Variants in ZNF106 observed in about 807,000 individuals in gnomAD.
ZNF106 encodes the protein zinc finger protein 106, also known as SH3-domain binding protein 3.
Under a neutral mutation model 195.1 loss-of-function variants are expected in ZNF106, and 67 were observed. The observed-to-expected ratio is 0.34, with a 90% CI of 0.28 to 0.42. ZNF106 has a LOEUF of 0.42. Ranked by LOEUF, ZNF106 falls within the 10% of genes least tolerant of loss-of-function variation. The pLI is 1.00. For missense variants in ZNF106, 2,118 were observed against 2,304.5 expected (o/e 0.92, Z 1.66); for synonymous variants, 784 against 818.6 (o/e 0.96, Z 0.72).
At chr15:42,447,965 G>A in intron 6 of ZNF106, 107 bp downstream of exon 6, 1 of 1,284,608 alleles carries the variant, frequency 7.8e-7, no homozygotes, top group African/African-American at 1.5e-5. Flanking sequence ...TAGAAGTTGA[G>A]AGAATCACAA....
intron 2 of ZNF106, among the ~76,000 whole-genome samples, chr15:42,467,765 C>A (rs530517485): frequency 9.9e-5 from 15 of 152,056 alleles, no homozygotes; most frequent in Admixed American, 4.6e-4. Flanking sequence ...GCTGGTATCA[C>A]GCCACTGCAC....
chr15:42,434,229 G>A (rs1013895615), intron 14 of ZNF106, among the ~76,000 whole-genome samples: 1 of 151,452 alleles, frequency 6.6e-6, no homozygotes, highest in South Asian at 2.2e-4. Context: ...GCTCACGCCT[G>A]TAATCTCAGC....
At chr15:42,424,726 T>G in intron 16 of ZNF106, 108 bp downstream of exon 16, 1 of 1,144,530 alleles carries the variant, frequency 8.7e-7, no homozygotes, top group Non-Finnish European at 1.2e-6. Context: ...GCGATCCCCC[T>G]GCCTCACCCT....
intron 20 of ZNF106, among the ~76,000 whole-genome samples, chr15:42,418,962 C>A (rs919342848): frequency 9.9e-5 from 15 of 151,032 alleles, no homozygotes; most frequent in Non-Finnish European, 2.1e-4. Context: ...AGTGGGATTA[C>A]ACCCTGTAAT....
intron 1 of ZNF106, among the ~76,000 whole-genome samples, chr15:42,477,294 T>C (rs1446280480): frequency 6.6e-6 from 1 of 152,212 alleles, no homozygotes; most frequent in Non-Finnish European, 1.5e-5. Flanking sequence ...TTCCAATAAA[T>C]ATATTTAAAC....
chr15:42,475,033 T>C (rs571468440), intron 1 of ZNF106, among the ~76,000 whole-genome samples: 1 of 152,340 alleles, frequency 6.6e-6, no homozygotes, highest in African/African-American at 2.4e-5. Context: ...CTGTAACTCC[T>C]AGATAATATG....
chr15:42,490,364 A>G (rs1010827932), intron 1 of ZNF106: 3 of 152,198 alleles, frequency 2.0e-5, no homozygotes, highest in African/African-American at 7.2e-5. Flanking sequence ...AAAGCCACGG[A>G]TATCTCAAAC....
intron 2 of ZNF106, among the ~76,000 whole-genome samples, chr15:42,466,347 CA>C (rs1325545201): frequency 6.6e-6 from 1 of 151,628 alleles, no homozygotes; most frequent in Non-Finnish European, 1.5e-5. Flanking sequence ...AGTGGCTTTC[CA>C]AAAAGATTAG....
At chr15:42,483,444 G>T (rs2056946953) in intron 1 of ZNF106, among the ~76,000 whole-genome samples, 2 of 152,102 alleles carry the variant, frequency 1.3e-5, no homozygotes, top group Admixed American at 1.3e-4. Context: ...CTGGGACCTG[G>T]GTGACTCCTG....
chr15:42,436,677 A>G (rs1417649054), intron 13 of ZNF106, among the ~76,000 whole-genome samples: 1 of 152,214 alleles, frequency 6.6e-6, no homozygotes, highest in Non-Finnish European at 1.5e-5. Flanking sequence ...GCATCAGATA[A>G]TACTAAGTGT....
chr15:42,449,598 T>G (rs1474572920), intron 5 of ZNF106, among the ~76,000 whole-genome samples, 173 bp downstream of exon 5: 2 of 152,238 alleles, frequency 1.3e-5, no homozygotes, highest in Non-Finnish European at 2.9e-5. Context: ...AAATACTTTA[T>G]TCCATCTGTC....
At chr15:42,462,513 G>A (rs2056416238) in intron 3 of ZNF106, among the ~76,000 whole-genome samples, 2 of 152,048 alleles carry the variant, frequency 1.3e-5, no homozygotes, top group South Asian at 2.1e-4. Context: ...CAGGAGAATC[G>A]CTTGAACCAG....
chr15:42,427,743 G>A lies in ZNF106; in HGVS notation c.4998+275C>T, dbSNP rs578139548. On this transcript the variant is annotated intron_variant, in intron 15 of 21. Transcript: ENST00000564754. ...GTCATTCTTAAATTGAGACAGACTA[G>A]TTTAATACATGACTCATTATTTGGC... 1.4e-5 allele frequency: 4 copies of A among 279,100 alleles called. No homozygotes were observed. In the East Asian group the frequency reaches 2.7e-4, roughly 19 times the overall value. The allele number at this position is 279,100 out of a possible 1,614,324, so 17.3% of individuals were successfully genotyped here.
intron 19 of ZNF106, 26 bp from the exon 20 acceptor site, chr15:42,421,158 C>T: frequency 6.2e-7 from 1 of 1,605,598 alleles, no homozygotes; most frequent in African/African-American, 1.3e-5. Flanking sequence ...TTTATAATAT[C>T]AGACCAAAAT....
Position 42,425,006 on chromosome 15 carries a change from A to T in ZNF106, c.5018T>A (p.Ile1673Asn). ...FNIKNNKRLE[I>N]FECHGPRAVS... is the part of the protein sequence containing the mutation. ...TGCCCGAGGGCCATGGCATTCAAAG[A>T]TCTCAAGTCGTTTGTTGTTCTGGAA... The change falls in exon 16 of 22, where the codon ATC (isoleucine) becomes AAC (asparagine). Residue 1673 changes from isoleucine (I) to asparagine (N), a missense_variant. Coordinates refer to ENST00000564754, the MANE Select transcript of ZNF106 (RefSeq NM_001366845.3). 6.2e-7 allele frequency: 1 copy of T among 1,614,076 alleles called. No homozygotes were observed.
chr15:42,485,757 C>T (rs150775628), intron 1 of ZNF106, among the ~76,000 whole-genome samples: 12 of 152,164 alleles, frequency 7.9e-5, no homozygotes, highest in African/African-American at 1.9e-4. Flanking sequence ...AAATGTGTGA[C>T]GTATGCACAA....
In ZNF106 at chr15:42,448,571, C is replaced by T. The variant is rs2055859648; in HGVS notation, c.2636G>A (p.Arg879Lys). 1.2e-6 allele frequency: 2 copies of T among 1,614,180 alleles called. No homozygotes were observed. The highest frequency in any genetic ancestry group is 1.7e-6 in the Non-Finnish European group (2 of 1,180,026). Residue 879 changes from arginine (R) to lysine (K), a missense_variant, in exon 6 of 22, where the codon AGA becomes AAA. Physicochemically the swap from Arg to Lys is conservative, Grantham distance 26. Coordinates refer to ENST00000564754, the MANE Select transcript of ZNF106 (RefSeq NM_001366845.3). Reference sequence around the variant, plus strand: ...GCTGCTCTCAGAAAGGCTTCGCTTTCTTGCCAAGCCAGGGGACGAGGAAAT... The same window carrying T: ...GCTGCTCTCAGAAAGGCTTCGCTTTTTTGCCAAGCCAGGGGACGAGGAAAT... ...VSISSSPGLA[R>K]KRSLSESSVI...
intron 6 of ZNF106, 47 bp from the exon 7 acceptor site, chr15:42,446,705 TTA>T: frequency 6.8e-7 from 1 of 1,478,842 alleles, no homozygotes; most frequent in Non-Finnish European, 9.2e-7. Context: ...GTAAAAGCCA[TTA>T]TCCAAGAGGA....
rs1376566309 is a variant in ZNF106 at position 42,450,374 on chromosome 15, G to A, written c.1898C>T (p.Ala633Val). 6.2e-7 allele frequency: 1 copy of A among 1,614,150 alleles called. No homozygotes were observed. The highest frequency in any genetic ancestry group is 8.5e-7 in the Non-Finnish European group (1 of 1,180,028). The change falls in exon 5 of 22, where the codon GCA becomes GTA. Residue 633 changes from alanine to valine, a missense_variant. Coordinates refer to ENST00000564754, the MANE Select transcript of ZNF106 (RefSeq NM_001366845.3). ...HGTKIGTLGS[A>V]TTELLSGSTR... ...GCTGCCAGATAACAATTCTGTAGTT[G>A]CAGAACCTAGGGTTCCAATTTTTGT...
Sources: gnomAD v4.1 joint callset for allele counts (sites outside exome capture counted in the v4.1 genomes callset) on GRCh38, gnomAD v4.1.1 for gene constraint, MANE v1.5 for transcripts, NCBI Gene and HGNC (gene_info 2026-07-23, HGNC 2026-07-21) for gene names.